VPS13B: variants seen among roughly 807,000 people sequenced by gnomAD.
VPS13B encodes the protein intermembrane lipid transfer protein VPS13B.
A neutral mutation model predicts 426.4 loss-of-function variants in VPS13B; 285 were observed. The ratio of observed to expected loss-of-function variants is 0.67; its 90% CI spans 0.61 to 0.74. VPS13B has a LOEUF of 0.74. VPS13B is among the 30% of genes least tolerant of loss of function. VPS13B has a pLI of 0.00. For missense variants in VPS13B, 4,537 were observed against 4,782.6 expected (o/e 0.95, Z 1.51); for synonymous variants, 1,676 against 1,676.4 (o/e 1.00, Z 0.01).
intron 33 of VPS13B, chr8:99,577,853 G>A: frequency 3.4e-6 from 2 of 588,122 alleles, no homozygotes; most frequent in Non-Finnish European, 5.8e-6. Flanking sequence ...CAAAATTGCT[G>A]TGGACTGACC....
At chr8:99,566,522 T>A (rs1404216961) in intron 31 of VPS13B, among the ~76,000 whole-genome samples, 1 of 151,778 alleles carries the variant, frequency 6.6e-6, no homozygotes, top group East Asian at 1.9e-4. Flanking sequence ...CTCACTGCAG[T>A]CTCCGCCTCC....
chr8:99,438,774 A>G (rs1262769148), intron 22 of VPS13B, among the ~76,000 whole-genome samples: 1 of 152,212 alleles, frequency 6.6e-6, no homozygotes, highest in African/African-American at 2.4e-5. Flanking sequence ...GTGATAGTTT[A>G]TATATTTGTT....
intron 33 of VPS13B, among the ~76,000 whole-genome samples, chr8:99,632,421 A>C (rs1828886917): frequency 6.6e-6 from 1 of 151,984 alleles, no homozygotes. Flanking sequence ...ATATACAGAA[A>C]GTTGCTTTCT....
intron 44 of VPS13B, among the ~76,000 whole-genome samples, chr8:99,815,344 C>T (rs917731918): frequency 1.3e-5 from 2 of 152,036 alleles, no homozygotes; most frequent in Admixed American, 6.6e-5. Context: ...CCAAGAAGAG[C>T]TGATGCTTCA....
intron 17 of VPS13B, among the ~76,000 whole-genome samples, chr8:99,259,590 T>C (rs1321959035): frequency 6.6e-5 from 10 of 151,976 alleles, no homozygotes; most frequent in African/African-American, 2.4e-5. Flanking sequence ...ACAAAGAAGG[T>C]TTTTTGTGTT....
At chr8:99,339,609 T>G (rs1211802673) in intron 19 of VPS13B, among the ~76,000 whole-genome samples, 1 of 135,504 alleles carries the variant, frequency 7.4e-6, no homozygotes, top group African/African-American at 3.1e-5. Context: ...ACCACGTCAG[T>G]TTTTTTTTTT....
At chr8:99,260,682 A>G (rs1053806790) in intron 17 of VPS13B, among the ~76,000 whole-genome samples, 2 of 152,020 alleles carry the variant, frequency 1.3e-5, no homozygotes, top group Non-Finnish European at 2.9e-5. Context: ...TGAAGTCCAC[A>G]TACAATCTAG....
chr8:99,564,291 GA>G (rs2133783537), intron 31 of VPS13B, among the ~76,000 whole-genome samples: 1 of 152,240 alleles, frequency 6.6e-6, no homozygotes, highest in South Asian at 2.1e-4. Flanking sequence ...CCCAGTTGTA[GA>G]AAAAGCTGAG....
chr8:99,750,407 C>G (rs1251612660), intron 39 of VPS13B, among the ~76,000 whole-genome samples: 1 of 152,066 alleles, frequency 6.6e-6, no homozygotes, highest in African/African-American at 2.4e-5. Context: ...CTTTGCTCTT[C>G]TTGAGAACAG....
Position 99,699,596 on chromosome 8 carries a change from C to A in VPS13B, c.6118C>A (p.Leu2040Ile). The A allele has an allele frequency of 6.2e-7, 1 of 1,613,956 alleles. No homozygotes were observed. The highest frequency in any genetic ancestry group is 8.5e-7 in the Non-Finnish European group (1 of 1,179,972). The change falls in exon 36 of 62, where the codon CTT becomes ATT. Residue 2040 changes from leucine (L) to isoleucine (I), a missense_variant. This residue lies in a region of VPS13B where 4,311 missense variants were observed against 4,474.3 expected (regional missense o/e 0.96). Coordinates refer to ENST00000357162, the MANE Select transcript of VPS13B (RefSeq NM_152564.5). ...TTTCACCAAACTGGATCAGATAAAC[C>A]TTTTTTTAAAGAAGATAAAAAATGC... ...LSFTKLDQIN[L>I]FLKKIKNAHS...
chr8:99,277,576 A>G (rs1013076265), intron 19 of VPS13B, among the ~76,000 whole-genome samples: 2 of 152,188 alleles, frequency 1.3e-5, no homozygotes, highest in Admixed American at 1.3e-4. Context: ...CAGTCCTTCA[A>G]GACTTTACAA....
At chr8:99,265,105 C>CATTATT (rs965472708) in intron 17 of VPS13B, among the ~76,000 whole-genome samples, 1 of 151,872 alleles carries the variant, frequency 6.6e-6, no homozygotes, top group African/African-American at 2.4e-5. Flanking sequence ...GGATAGAAAT[C>CATTATT]ATTATTATTA....
At chr8:99,702,308 ATACT>A (rs1259749938) in intron 36 of VPS13B, among the ~76,000 whole-genome samples, 1 of 152,168 alleles carries the variant, frequency 6.6e-6, no homozygotes, top group Non-Finnish European at 1.5e-5. Flanking sequence ...TAATACAGAA[ATACT>A]TAACTGTGTC....
At chr8:99,202,319 A>G (rs1409266922) in intron 17 of VPS13B, among the ~76,000 whole-genome samples, 1 of 152,250 alleles carries the variant, frequency 6.6e-6, no homozygotes, top group African/African-American at 2.4e-5. Flanking sequence ...CTGTTAATGT[A>G]GCTATTTACA....
intron 19 of VPS13B, among the ~76,000 whole-genome samples, chr8:99,314,165 A>ACCCACTGTCCTGCC (rs1438213904): frequency 6.6e-6 from 1 of 151,992 alleles, no homozygotes; most frequent in East Asian, 1.9e-4. Context: ...GTTGGGCTGC[A>ACCCACTGTCCTGCC]CCCACTGTCC....
At chr8:99,666,298 A>G (rs1403769558) in intron 35 of VPS13B, among the ~76,000 whole-genome samples, 1 of 152,116 alleles carries the variant, frequency 6.6e-6, no homozygotes, top group Non-Finnish European at 1.5e-5. Flanking sequence ...ATCCTCCGTA[A>G]CTCATTTTAT....
rs146093005 is a variant in VPS13B at position 99,407,986 on chromosome 8, G to C, written c.3082+16282G>C. ...TCCCTTCTGCTATGTTCTTCAACCT[G>C]TATTCTTGCCAAAATTCTTCTCTTC... On this transcript the variant is annotated intron_variant, in intron 21 of 61. Transcript: ENST00000357162. 7.2e-5 allele frequency among the ~76,000 whole-genome samples: 11 copies of C among 152,274 alleles called. No individual in the cohort carries two copies. In the East Asian group the frequency reaches 2.1e-3, roughly 29 times the overall value.
intron 43 of VPS13B, among the ~76,000 whole-genome samples, chr8:99,804,992 C>G (rs1299519147): frequency 6.6e-6 from 1 of 151,464 alleles, no homozygotes; most frequent in African/African-American, 2.4e-5. Context: ...AGAGTTGACT[C>G]TATCTCTAAA....
At chr8:99,809,632 A>G in intron 44 of VPS13B, 102 bp downstream of exon 44, 1 of 1,378,334 alleles carries the variant, frequency 7.3e-7, no homozygotes, top group Non-Finnish European at 1.0e-6. Context: ...GGTTATGCCT[A>G]GTTATATCTA....
Sources: allele counts gnomAD v4.1 joint callset (sites outside exome capture counted in the v4.1 genomes callset), GRCh38; gene constraint gnomAD v4.1.1; regional missense constraint gnomAD v4.1.1; transcripts MANE v1.5; gene names NCBI Gene and HGNC (gene_info 2026-07-23, HGNC 2026-07-21).